The following STARD9 variants were observed in gnomAD, a reference collection of about 807,000 sequenced individuals.
STARD9 encodes StAR related lipid transfer domain containing 9, also known as stAR-related lipid transfer protein 9.
A neutral mutation model predicts 399.8 loss-of-function variants in STARD9; 346 were observed. The ratio of observed to expected loss-of-function variants is 0.87; its 90% CI spans 0.79 to 0.95. The LOEUF (loss-of-function observed/expected upper bound fraction) is 0.95. STARD9 is among the 40% of genes least tolerant of loss of function. The pLI, the probability that STARD9 is intolerant of heterozygous loss-of-function variation, is 0.00. For synonymous variants in STARD9, 2,203 were observed against 2,143.5 expected, an observed-to-expected ratio of 1.03 and a Z score of -0.77; for missense variants, 5,832 against 5,667.5, an observed-to-expected ratio of 1.03 and a Z score of -0.93.
intron 16 of STARD9, among the ~76,000 whole-genome samples, chr15:42,673,735 C>G (rs1168480493): frequency 6.6e-6 from 1 of 152,110 alleles, no homozygotes; most frequent in Non-Finnish European, 1.5e-5. Context: ...ATGTTGCTGC[C>G]TTTTCCTAAC....
chr15:42,583,361 G>C lies in STARD9; in HGVS notation c.63G>C (p.Gly21=). 6.5e-7 allele frequency: 1 copy of C among 1,536,964 alleles called. No individual in the cohort carries two copies. Among genetic ancestry groups the C allele is most frequent in the Non-Finnish European group, 8.7e-7 (1 of 1,146,618 alleles). Residue 21 remains glycine (G), a synonymous_variant, in exon 2 of 33, where the codon GGG becomes GGC. Transcript: ENST00000290607. ...TTGTTTCTAGGGAGACCAAAGAAGG[G>C]GGAAGAATTATTGTGGAAGTTGATG... The part of the protein sequence containing the change: ...RPLSKRETKE[G]GRIIVEVDGK...
At chr15:42,705,764 A>T (rs116417375) in intron 26 of STARD9, among the ~76,000 whole-genome samples, 1 of 144,784 alleles carries the variant, frequency 6.9e-6, no homozygotes, top group Non-Finnish European at 1.5e-5. Context: ...TTTATTTTTT[A>T]TTTTTTGAGA....
At chr15:42,665,899 T>G in intron 15 of STARD9, 51 bp downstream of exon 15, 1 of 1,444,520 alleles carries the variant, frequency 6.9e-7, no homozygotes, top group Non-Finnish European at 9.4e-7. Flanking sequence ...TGGGAGCTCC[T>G]CCATTATTCC....
chr15:42,686,606 G>GA lies in STARD9; in HGVS notation c.5033dup (p.Asn1678LysfsTer2). 3 of 1,537,294 alleles carry GA rather than the reference G, an allele frequency of 2.0e-6. No homozygotes were observed. Among genetic ancestry groups the GA allele is most frequent in the Non-Finnish European group, 2.6e-6 (3 of 1,146,950 alleles). On this transcript the variant is annotated frameshift_variant, in exon 23 of 33. Coordinates refer to ENST00000290607, the MANE Select transcript of STARD9 (RefSeq NM_020759.3). LOFTEE classifies it high-confidence loss of function. ...GGTCCCAAGGCTGGGCTCCTCTCAG[G>GA]AAAAATAGTGCAGTCCAGCCAGGGC...
intron 3 of STARD9, among the ~76,000 whole-genome samples, chr15:42,632,725 C>T (rs1292882637): frequency 6.6e-6 from 1 of 152,110 alleles, no homozygotes. Flanking sequence ...GTCTGTAATC[C>T]TAGCTACTCA....
intron 11 of STARD9, 72 bp from the exon 12 acceptor site, chr15:42,663,209 A>G: frequency 3.0e-6 from 4 of 1,332,890 alleles, no homozygotes; most frequent in Non-Finnish European, 4.1e-6. Context: ...GTGTTCTCCA[A>G]CCATTGTTTT....
At chr15:42,651,182 G>A (rs2059755699) in intron 8 of STARD9, 97 bp downstream of exon 8, 1 of 832,450 alleles carries the variant, frequency 1.2e-6, no homozygotes, top group Admixed American at 2.5e-5. Context: ...ACTTAAAATT[G>A]TCTCTGTGTG....
intron 3 of STARD9, among the ~76,000 whole-genome samples, chr15:42,611,048 C>T (rs535499438): frequency 3.9e-5 from 6 of 152,094 alleles, no homozygotes; most frequent in African/African-American, 1.2e-4. Flanking sequence ...TTGCTTTTTT[C>T]CCCCTTTTTC....
intron 26 of STARD9, among the ~76,000 whole-genome samples, chr15:42,700,290 T>C (rs2060938479): frequency 6.6e-6 from 1 of 152,240 alleles, no homozygotes; most frequent in Admixed American, 6.5e-5. Context: ...TCACTGGCTA[T>C]ATACCTAGTG....
intron 26 of STARD9, among the ~76,000 whole-genome samples, chr15:42,710,734 G>A (rs763432324): frequency 5.9e-5 from 9 of 152,208 alleles, no homozygotes; most frequent in Non-Finnish European, 8.8e-5. Context: ...AGTCCAAAAT[G>A]TTGGTGTTAG....
In STARD9 at chr15:42,691,544, C is replaced by A. The variant is rs3742994; in HGVS notation, c.9966C>A (p.Pro3322=). The change falls in exon 23 of 33, where the codon CCC becomes CCA. Residue 3322 remains proline (P), a synonymous_variant. Coordinates refer to ENST00000290607, the MANE Select transcript of STARD9 (RefSeq NM_020759.3). ...FSGPKHSRSS[P]TPQFSVVGSS... is the part of the protein sequence containing the mutation. ...GCCCCAAACACTCCAGGTCCTCCCCCACACCACAGTTCTCAGTTGTCGGCT... is the reference window on the plus strand; with the variant it reads ...GCCCCAAACACTCCAGGTCCTCCCCAACACCACAGTTCTCAGTTGTCGGCT... The A allele has an allele frequency of 7.5e-4, 1,154 of 1,537,282 alleles. 22 individuals carry two copies. In the East Asian group the frequency reaches 0.025, roughly 33 times the overall value.
At chr15:42,717,610 G>A (rs1252689656) in intron 28 of STARD9, 121 bp from the exon 29 acceptor site, 1 of 873,848 alleles carries the variant, frequency 1.1e-6, no homozygotes, top group African/African-American at 1.7e-5. Context: ...GGGTGACAGA[G>A]CTAGACCCTG....
chr15:42,661,026 C>T (rs2140090367), intron 9 of STARD9, 132 bp from the exon 10 acceptor site: 1 of 598,018 alleles, frequency 1.7e-6, no homozygotes, highest in South Asian at 2.0e-5. Context: ...ACCTGGTTTA[C>T]ATCACATTAG....
chr15:42,693,009 A>AGCCCT lies in STARD9; in HGVS notation c.11432_11436dup (p.Ser3813AlafsTer9). On this transcript the variant is annotated frameshift_variant, in exon 23 of 33. Coordinates refer to ENST00000290607, the MANE Select transcript of STARD9 (RefSeq NM_020759.3). LOFTEE classifies it high-confidence loss of function. ...AGAAAGCACTCCCTACAAGCCCCAG[A>AGCCCT]GCCCTTCAATACCCTCATCCCACTT... is the stretch of plus-strand genomic sequence containing the variant. The AGCCCT allele has an allele frequency of 6.5e-7, 1 of 1,537,190 alleles. No individual in the cohort carries two copies. The highest frequency in any genetic ancestry group is 2.4e-5 in the East Asian group (1 of 40,904).
intron 4 of STARD9, among the ~76,000 whole-genome samples, chr15:42,635,717 A>G (rs373158013): frequency 1.3e-3 from 192 of 152,240 alleles, no homozygotes; most frequent in African/African-American, 4.3e-3. Context: ...CTGAATTTCT[A>G]CTTATCTCCA....
In STARD9 at chr15:42,689,666, T is replaced by C. The variant is rs758980085; in HGVS notation, c.8088T>C (p.Ser2696=). Residue 2696 remains serine (S), a synonymous_variant, in exon 23 of 33, where the codon TCT becomes TCC. Coordinates refer to ENST00000290607, the MANE Select transcript of STARD9 (RefSeq NM_020759.3). ...AGASEPFICH[S]SSSEIIEKKK... ...CAAGTGAACCATTTATATGTCACTC[T>C]AGTTCTTCTGAAATCATAGAGAAAA... is the stretch of plus-strand genomic sequence containing the variant. 3.9e-6 allele frequency: 6 copies of C among 1,537,682 alleles called. No homozygotes were observed. In the South Asian group the frequency reaches 5.9e-5, roughly 15 times the overall value.
In STARD9 at chr15:42,691,044, G is replaced by A. The variant is rs1405618617; in HGVS notation, c.9466G>A (p.Val3156Met). Residue 3156 changes from valine to methionine, a missense_variant, in exon 23 of 33, where the codon GTG (valine) becomes ATG (methionine). Val to Met is a conservative substitution (Grantham distance 21). Transcript: ENST00000290607. Reference protein sequence around the residue: ...LSEGSAESKLVVEPQHECLEN... With the variant: ...LSEGSAESKLMVEPQHECLEN... Reference sequence around the variant, plus strand: ...TGAAGGGTCTGCTGAGAGCAAGTTGGTGGTAGAGCCACAGCATGAATGTTT... The same window carrying A: ...TGAAGGGTCTGCTGAGAGCAAGTTGATGGTAGAGCCACAGCATGAATGTTT... The A allele has an allele frequency of 6.5e-7, 1 of 1,537,234 alleles. No homozygotes were observed. The highest frequency in any genetic ancestry group is 8.7e-7 in the Non-Finnish European group (1 of 1,146,892).
intron 31 of STARD9, 50 bp downstream of exon 31, chr15:42,718,564 G>A: frequency 6.6e-7 from 1 of 1,513,976 alleles, no homozygotes; most frequent in African/African-American, 1.4e-5. Flanking sequence ...GGGCTGAAGT[G>A]TCGTGAGAAA....
chr15:42,638,577 C>A, intron 6 of STARD9, 123 bp from the exon 7 acceptor site: 1 of 616,332 alleles, frequency 1.6e-6, no homozygotes, highest in Non-Finnish European at 2.8e-6. Context: ...TTGGCTTGAT[C>A]ATTGCCTTAG....
Sources: gnomAD v4.1 joint callset for allele counts (sites outside exome capture counted in the v4.1 genomes callset) on GRCh38, gnomAD v4.1.1 for gene constraint, MANE v1.5 for transcripts, NCBI Gene and HGNC (gene_info 2026-07-23, HGNC 2026-07-21) for gene names.